The following TNFSF12 variants were observed in gnomAD, a reference collection of about 807,000 sequenced individuals.
TNFSF12 encodes TNF superfamily member 12, also known as tumor necrosis factor ligand superfamily member 12.
In TNFSF12, 16 loss-of-function variants were observed where a neutral mutation model predicts 31.2. The ratio of observed to expected loss-of-function variants is 0.51; its 90% CI spans 0.35 to 0.78. TNFSF12 has a LOEUF of 0.78. Ranked by LOEUF, TNFSF12 falls within the 30% of genes least tolerant of loss-of-function variation. TNFSF12 has a pLI of 0.01. For synonymous variants in TNFSF12, 150 were observed against 151.4 expected, an observed-to-expected ratio of 0.99 and a Z score of 0.07; for missense variants, 324 against 338.8, an observed-to-expected ratio of 0.96 and a Z score of 0.34.
chr17:7,551,448 C>T (rs1292114024), intron 5 of TNFSF12, among the ~76,000 whole-genome samples: 1 of 152,106 alleles, frequency 6.6e-6, no homozygotes, highest in Non-Finnish European at 1.5e-5. Context: ...ATGCTGAGCC[C>T]CTAAACTTCA....
intron 5 of TNFSF12, among the ~76,000 whole-genome samples, chr17:7,554,608 C>T (rs2071038920): frequency 6.7e-6 from 1 of 149,766 alleles, no homozygotes. Context: ...AGCCACCGCG[C>T]CCAGCCGGTC....
Position 7,549,665 on chromosome 17 carries a change from C to A in TNFSF12, c.207+144C>A. 2 of 1,287,016 alleles carry A rather than the reference C, an allele frequency of 1.6e-6. No homozygotes were observed. Among genetic ancestry groups the A allele is most frequent in the East Asian group, 2.6e-5 (1 of 38,622 alleles). The allele number at this position is 1,287,016 out of a possible 1,614,324, so 79.7% of individuals were successfully genotyped here. ...ACACAGTGCGTGCATGGGTGCGTGTCTGCAGGGGTGTGTGTGCGTGGTGAC... is the reference window on the plus strand; with the variant it reads ...ACACAGTGCGTGCATGGGTGCGTGTATGCAGGGGTGTGTGTGCGTGGTGAC... On this transcript the variant is annotated intron_variant, in intron 2 of 6. Coordinates refer to ENST00000293825, the MANE Select transcript of TNFSF12 (RefSeq NM_003809.3). This position sits in a 1 kb window ranked among gnomAD's most constrained non-coding sequence, Gnocchi z 4.1.
In TNFSF12 at chr17:7,554,383, G is replaced by A. The variant is rs549299585; in HGVS notation, c.374-2395G>A. Among the ~76,000 whole-genome samples, 505 of 146,790 alleles carry A rather than the reference G, an allele frequency of 3.4e-3. 11 individuals are homozygous for A. The highest frequency in any genetic ancestry group is 0.032 in the Admixed American group (456 of 14,182). Reference sequence around the variant, plus strand: ...GGCTGGAGTGTAGTGGCGCGATCTCGGCTTACTGCAAGCTCCGCCTCCTGG... The same window carrying A: ...GGCTGGAGTGTAGTGGCGCGATCTCAGCTTACTGCAAGCTCCGCCTCCTGG... On this transcript the variant is annotated intron_variant, in intron 5 of 6. Coordinates refer to ENST00000293825, the MANE Select transcript of TNFSF12 (RefSeq NM_003809.3).
At position 7,550,555 on chromosome 17, in the gene TNFSF12, C is replaced by T. The variant is rs1022882921; in HGVS notation, c.284-244C>T. 1.9e-4 allele frequency among the ~76,000 whole-genome samples: 29 copies of T among 151,922 alleles called. No homozygotes were observed. Among genetic ancestry groups the T allele is most frequent in the Non-Finnish European group, 3.4e-4 (23 of 67,986 alleles). On this transcript the variant is annotated intron_variant, in intron 3 of 6. Transcript: ENST00000293825. The surrounding 1 kb of genome is among the most constrained non-coding windows in gnomAD (Gnocchi z 4.4). ...CAAGTCGGCATGCAGTTGTCCTGGC[C>T]CCCACCTGTTATCTCGGTGTGATTA...
At chr17:7,555,881 G>C (rs1231199053) in intron 5 of TNFSF12, among the ~76,000 whole-genome samples, 4 of 152,066 alleles carry the variant, frequency 2.6e-5, no homozygotes, top group African/African-American at 9.6e-5. Flanking sequence ...GCAGTTGGCA[G>C]GGTAAGGAAG....
intron 5 of TNFSF12, among the ~76,000 whole-genome samples, chr17:7,554,380 C>G (rs939271382): frequency 4.6e-5 from 6 of 131,352 alleles, no homozygotes; most frequent in Non-Finnish European, 9.2e-5. Context: ...GTGGCGCGAT[C>G]TCGGCTTACT....
rs1254045365 is a variant in TNFSF12 at position 7,557,162 on chromosome 17, G to T, written c.562G>T (p.Ala188Ser). The T allele has an allele frequency of 1.2e-6, 2 of 1,613,784 alleles. No homozygotes were observed. The highest frequency in any genetic ancestry group is 3.3e-5 in the Admixed American group (2 of 60,014). Residue 188 changes from alanine to serine, a missense_variant, in exon 7 of 7, where the codon GCC (alanine) becomes TCC (serine). Physicochemically the swap from Ala to Ser is moderately conservative, Grantham distance 99. Coordinates refer to ENST00000293825, the MANE Select transcript of TNFSF12 (RefSeq NM_003809.3). The surrounding 1 kb of genome is among the most constrained non-coding windows in gnomAD (Gnocchi z 5.2). Reference sequence around the variant, plus strand: ...GGACTTGCTGGTGGATGGTGTGCTGGCCCTGCGCTGCCTGGAGGAATTCTC... The same window carrying T: ...GGACTTGCTGGTGGATGGTGTGCTGTCCCTGCGCTGCCTGGAGGAATTCTC... The part of the protein sequence containing the change: ...KLDLLVDGVL[A>S]LRCLEEFSAT...
Position 7,549,413 on chromosome 17 carries a change from T to TGGGTGGAGGGTGAGATGTC in TNFSF12, c.160-60_160-42dup. ...GGCTGAAGGCAAGGGGAAGGGAGGA[T>TGGGTGGAGGGTGAGATGTC]GGGTGGAGGGTGAGATGTCAGGTGG... On this transcript the variant is annotated intron_variant, in intron 1 of 6. Transcript: ENST00000293825. This position sits in a 1 kb window ranked among gnomAD's most constrained non-coding sequence, Gnocchi z 4.1. 7.0e-7 allele frequency: 1 copy of TGGGTGGAGGGTGAGATGTC among 1,427,672 alleles called. No individual in the cohort carries two copies. 88.4% of individuals were successfully genotyped at this position (1,427,672 alleles called of 1,614,324 possible).
intron 5 of TNFSF12, 114 bp from the exon 6 acceptor site, chr17:7,556,662 CTA>C (rs748410277): frequency 9.6e-5 from 129 of 1,345,216 alleles, no homozygotes; most frequent in Non-Finnish European, 1.1e-4. Context: ...CCGGGGTGAT[CTA>C]TGTGTCTTCT....
At chr17:7,556,208 C>T (rs896121394) in intron 5 of TNFSF12, among the ~76,000 whole-genome samples, 2 of 151,846 alleles carry the variant, frequency 1.3e-5, no homozygotes, top group African/African-American at 4.8e-5. Flanking sequence ...CTCGAACTCC[C>T]GACCTCAGGT....
rs1229887800 is a variant in TNFSF12 at position 7,550,913 on chromosome 17, G to A, written c.338-30G>A. 1.2e-6 allele frequency: 2 copies of A among 1,614,014 alleles called. No individual in the cohort carries two copies. Among genetic ancestry groups the A allele is most frequent in the Non-Finnish European group, 1.7e-6 (2 of 1,180,024 alleles). The stretch of plus-strand genomic sequence containing the variant: ...GGCAGGTGGCAGAGGGTCAGGGCAG[G>A]TCTCACCAGCCTTTTCCTGTACTTT... On this transcript the variant is annotated intron_variant, in intron 4 of 6. Coordinates refer to ENST00000293825, the MANE Select transcript of TNFSF12 (RefSeq NM_003809.3). This position sits in a 1 kb window ranked among gnomAD's most constrained non-coding sequence, Gnocchi z 4.4.
At chr17:7,553,440 T>G in intron 5 of TNFSF12, 1 of 377,030 alleles carries the variant, frequency 2.7e-6, no homozygotes, top group Non-Finnish European at 5.5e-6. Context: ...AAAAGTTTAG[T>G]TCTGTGAACA....
intron 5 of TNFSF12, among the ~76,000 whole-genome samples, chr17:7,552,068 G>A (rs1426287644): frequency 6.6e-6 from 1 of 152,168 alleles, no homozygotes; most frequent in East Asian, 1.9e-4. Context: ...TTACAGGCAT[G>A]AGCCACTGCA....
In TNFSF12 at chr17:7,549,435, G is replaced by C. The variant is rs80067372; in HGVS notation, c.160-39G>C. 2.1e-6 allele frequency: 3 copies of C among 1,459,388 alleles called. No homozygotes were observed. The African/African-American group carries it at 4.2e-5, about 21-fold the overall frequency. 90.4% of individuals were successfully genotyped at this position (1,459,388 alleles called of 1,614,324 possible). On this transcript the variant is annotated intron_variant, in intron 1 of 6. Transcript: ENST00000293825. The surrounding 1 kb of genome is among the most constrained non-coding windows in gnomAD (Gnocchi z 4.1). Reference sequence around the variant, plus strand: ...GGATGGGTGGAGGGTGAGATGTCAGGTGGAGCGGCACAGGGTGACGCTCCC... The same window carrying C: ...GGATGGGTGGAGGGTGAGATGTCAGCTGGAGCGGCACAGGGTGACGCTCCC...
In TNFSF12 at chr17:7,557,054, G is replaced by C; in HGVS notation, c.499-45G>C. The C allele has an allele frequency of 6.4e-7, 1 of 1,573,278 alleles. No homozygotes were observed. On this transcript the variant is annotated intron_variant, in intron 6 of 6. Coordinates refer to ENST00000293825, the MANE Select transcript of TNFSF12 (RefSeq NM_003809.3). This position sits in a 1 kb window ranked among gnomAD's most constrained non-coding sequence, Gnocchi z 5.2. ...CGCTGAGGAAATTGGAAATTGAGGC[G>C]AGGGCAGGCAGAGGCCTGGACTCGG...
chr17:7,553,871 G>A (rs975732770), intron 5 of TNFSF12: 3 of 1,109,176 alleles, frequency 2.7e-6, no homozygotes, highest in Admixed American at 3.8e-5. Flanking sequence ...ACCTTTGCTC[G>A]ATGACTTCTA....
In TNFSF12 at chr17:7,550,918, A is replaced by C; in HGVS notation, c.338-25A>C. ...GTGGCAGAGGGTCAGGGCAGGTCTC[A>C]CCAGCCTTTTCCTGTACTTTACAGT... On this transcript the variant is annotated intron_variant, in intron 4 of 6. Coordinates refer to ENST00000293825, the MANE Select transcript of TNFSF12 (RefSeq NM_003809.3). This position sits in a 1 kb window ranked among gnomAD's most constrained non-coding sequence, Gnocchi z 4.4. The C allele has an allele frequency of 6.2e-7, 1 of 1,614,120 alleles. No individual in the cohort carries two copies. Among genetic ancestry groups the C allele is most frequent in the Admixed American group, 1.7e-5 (1 of 60,008 alleles).
rs536293149 is a variant in TNFSF12 at position 7,549,751 on chromosome 17, T to C, written c.207+230T>C. 5 of 692,286 alleles carry C rather than the reference T, an allele frequency of 7.2e-6. No individual in the cohort carries two copies. In the South Asian group the frequency reaches 8.9e-5, roughly 12 times the overall value. 42.9% of individuals were successfully genotyped at this position (692,286 alleles called of 1,614,324 possible). On this transcript the variant is annotated intron_variant, in intron 2 of 6. Coordinates refer to ENST00000293825, the MANE Select transcript of TNFSF12 (RefSeq NM_003809.3). The surrounding 1 kb of genome is among the most constrained non-coding windows in gnomAD (Gnocchi z 4.1). The stretch of plus-strand genomic sequence containing the variant: ...ACCTGAGTCTGAGGTGTTTATTGGC[T>C]GGGGGTGACGTGGTTGTATAAGATA...
chr17:7,553,454 C>T (rs1007810851), intron 5 of TNFSF12: 1 of 404,712 alleles, frequency 2.5e-6, no homozygotes, highest in East Asian at 7.3e-5. Context: ...GTGAACAATA[C>T]TATTTTCATC....
Sources: gnomAD v4.1 joint callset for allele counts (sites outside exome capture counted in the v4.1 genomes callset) on GRCh38, gnomAD v4.1.1 for gene constraint, Gnocchi (gnomAD v3.1) non-coding constraint, MANE v1.5 for transcripts, NCBI Gene and HGNC (gene_info 2026-07-23, HGNC 2026-07-21) for gene names.